Variants in LIMS1 observed in about 807,000 individuals in gnomAD.
LIMS1 encodes LIM and senescent cell antigen-like-containing domain protein 1.
Under a neutral mutation model 44.1 loss-of-function variants are expected in LIMS1, and 18 were observed. The observed-to-expected ratio is 0.41, with a 90% CI of 0.28 to 0.61. The LOEUF (loss-of-function observed/expected upper bound fraction) is 0.61. Among genes scored for constraint, LIMS1 ranks in the 20% least tolerant of loss-of-function variants. LIMS1 has a pLI of 0.32. For missense variants in LIMS1, 201 were observed against 422.0 expected (o/e 0.48, Z 4.59); for synonymous variants, 93 against 149.1 (o/e 0.62, Z 2.74).
intron 1 of LIMS1, among the ~76,000 whole-genome samples, chr2:108,539,640 G>A (rs1684253815): frequency 6.6e-6 from 1 of 152,186 alleles, no homozygotes; most frequent in Non-Finnish European, 1.5e-5. Context: ...TCTGGAGAGG[G>A]AGTCTAGGCA....
At chr2:108,545,687 G>T (rs1684459942) in intron 1 of LIMS1, among the ~76,000 whole-genome samples, 1 of 152,130 alleles carries the variant, frequency 6.6e-6, no homozygotes, top group Non-Finnish European at 1.5e-5. Context: ...TTGATCTTAA[G>T]GGCTCATAGC....
intron 1 of LIMS1, among the ~76,000 whole-genome samples, chr2:108,618,823 CAAAAAAAAAAA>C (rs36086497): frequency 1.2e-5 from 1 of 85,740 alleles, no homozygotes; most frequent in Admixed American, 1.3e-4. Flanking sequence ...GACTCCGTCT[CAAAAAAAAAAA>C]AAAAAAAAAA....
At chr2:108,561,276 T>G (rs1685101588) in intron 1 of LIMS1, among the ~76,000 whole-genome samples, 1 of 152,198 alleles carries the variant, frequency 6.6e-6, no homozygotes, top group African/African-American at 2.4e-5. Context: ...CAGCATCTGT[T>G]ATTTTCTGAC....
At chr2:108,683,859 T>C in intron 9 of LIMS1, 26 bp from the exon 10 acceptor site, 2 of 1,306,648 alleles carry the variant, frequency 1.5e-6, no homozygotes, top group Middle Eastern at 2.0e-4. Flanking sequence ...ACTAACTTCT[T>C]TTTTTTTATA....
At chr2:108,545,611 T>G (rs1236439767) in intron 1 of LIMS1, among the ~76,000 whole-genome samples, 1 of 152,224 alleles carries the variant, frequency 6.6e-6, no homozygotes, top group Non-Finnish European at 1.5e-5. Flanking sequence ...TTCTTGGTCT[T>G]GGGACCACTT....
In LIMS1 at chr2:108,663,726, T is replaced by G. The variant is rs545851153; in HGVS notation, c.192+3962T>G. The stretch of plus-strand genomic sequence containing the variant: ...TTCCCATCACAAAATGCATTAACAG[T>G]AAAGACCCATTTTTTTAATTTTTTA... On this transcript the variant is annotated intron_variant, in intron 2 of 9. Transcript: ENST00000544547. 4.2e-3 allele frequency among the ~76,000 whole-genome samples: 642 copies of G among 152,172 alleles called. 1 individual carries two copies. The highest frequency in any genetic ancestry group is 0.012 in the African/African-American group (489 of 41,544).
At chr2:108,603,268 T>A (rs1334427044) in intron 1 of LIMS1, among the ~76,000 whole-genome samples, 1 of 152,190 alleles carries the variant, frequency 6.6e-6, no homozygotes, top group Non-Finnish European at 1.5e-5. Context: ...GGTCCTGGCC[T>A]TTTCTTTACT....
At chr2:108,667,575 T>C (rs1691867016) in intron 2 of LIMS1, among the ~76,000 whole-genome samples, 1 of 148,958 alleles carries the variant, frequency 6.7e-6, no homozygotes, top group Non-Finnish European at 1.5e-5. Context: ...TATATACTGC[T>C]GGGCTACTTT....
rs1311827254 is a variant in LIMS1 at position 108,541,456 on chromosome 2, A to C, written c.32+6862A>C. Among the ~76,000 whole-genome samples the C allele has an allele frequency of 2.0e-5, 3 of 152,220 alleles. No homozygotes were observed. The East Asian group carries it at 5.8e-4, about 29-fold the overall frequency. On this transcript the variant is annotated intron_variant, in intron 1 of 9. Coordinates refer to ENST00000544547, the Ensembl canonical transcript of LIMS1. ...TTCAACAGGATTTGTTTTTCTGTGC[A>C]GGTACAGTGCAGGTGCACCTGACTG...
exon 1 of LIMS1, chr2:108,534,427 G>A (rs983609085): frequency 7.3e-6 from 4 of 544,390 alleles, no homozygotes; most frequent in African/African-American, 4.1e-5. Context: ...GCCCCCGCGC[G>A]GCCGGCCCCT....
chr2:108,562,476 A>G (rs1477662462), intron 1 of LIMS1, among the ~76,000 whole-genome samples: 1 of 152,224 alleles, frequency 6.6e-6, no homozygotes, highest in Non-Finnish European at 1.5e-5. Flanking sequence ...AAACAGCTTT[A>G]TTGCTGATAC....
intron 1 of LIMS1, among the ~76,000 whole-genome samples, chr2:108,629,105 G>T (rs941572532): frequency 6.6e-6 from 1 of 152,178 alleles, no homozygotes; most frequent in African/African-American, 2.4e-5. Flanking sequence ...GAAGACTGTT[G>T]TGTGGTATTG....
chr2:108,560,451 C>G (rs1016941272), intron 1 of LIMS1, among the ~76,000 whole-genome samples: 2 of 152,060 alleles, frequency 1.3e-5, no homozygotes, highest in Admixed American at 6.6e-5. Context: ...CACGTCTGTC[C>G]CCTAGGTGTT....
At chr2:108,642,201 C>T (rs980744836) in intron 1 of LIMS1, among the ~76,000 whole-genome samples, 3 of 152,008 alleles carry the variant, frequency 2.0e-5, no homozygotes, top group Non-Finnish European at 2.9e-5. Context: ...TCCGCTTTTT[C>T]TATATTGGAG....
intron 1 of LIMS1, among the ~76,000 whole-genome samples, chr2:108,555,178 C>G (rs1465776436): frequency 6.6e-6 from 1 of 152,140 alleles, no homozygotes; most frequent in East Asian, 1.9e-4. Context: ...TGGGTTGCCT[C>G]AGTCATAAGG....
chr2:108,671,644 A>G (rs1573607887), intron 3 of LIMS1, among the ~76,000 whole-genome samples: 2 of 152,326 alleles, frequency 1.3e-5, no homozygotes, highest in Admixed American at 1.3e-4. Context: ...TAAAGGTTTA[A>G]TGAAAGAATA....
chr2:108,583,127 C>T (rs1685950532), intron 1 of LIMS1, among the ~76,000 whole-genome samples: 1 of 151,950 alleles, frequency 6.6e-6, no homozygotes, highest in African/African-American at 2.4e-5. Context: ...CAACCTCTGC[C>T]TCCCGAGTTC....
intron 1 of LIMS1, among the ~76,000 whole-genome samples, chr2:108,569,877 A>G (rs1458579660): frequency 3.3e-5 from 5 of 150,084 alleles, no homozygotes; most frequent in Admixed American, 6.7e-5. Flanking sequence ...CTGGGATTAC[A>G]GACATGAGCC....
intron 1 of LIMS1, among the ~76,000 whole-genome samples, chr2:108,598,428 G>A (rs1219880704): frequency 1.3e-5 from 2 of 152,206 alleles, no homozygotes; most frequent in African/African-American, 2.4e-5. Context: ...AGGAGAGACT[G>A]AGGAGTACTA....
Sources: allele counts gnomAD v4.1 joint callset (sites outside exome capture counted in the v4.1 genomes callset), GRCh38; gene constraint gnomAD v4.1.1; transcripts MANE v1.5; gene names NCBI Gene and HGNC (gene_info 2026-07-23, HGNC 2026-07-21).